The following SH3D19 variants were observed in gnomAD, a reference collection of about 807,000 sequenced individuals.
SH3D19 encodes SH3 domain-containing protein 19.
In SH3D19, 58 loss-of-function variants were observed where a neutral mutation model predicts 112.1. The observed-to-expected ratio is 0.52, with a 90% CI of 0.42 to 0.64. The LOEUF is 0.64. Among genes scored for constraint, SH3D19 ranks in the 30% least tolerant of loss-of-function variants. SH3D19 has a pLI of 0.00. For missense variants in SH3D19, 1,090 were observed against 1,263.4 expected, an observed-to-expected ratio of 0.86 and a Z score of 2.08; for synonymous variants, 391 against 448.5, an observed-to-expected ratio of 0.87 and a Z score of 1.62.
intron 2 of SH3D19, among the ~76,000 whole-genome samples, chr4:151,209,532 G>A (rs1211059348): frequency 1.3e-5 from 2 of 151,728 alleles, no homozygotes; most frequent in Non-Finnish European, 2.9e-5. Flanking sequence ...TGCCCACCTC[G>A]GCCTCCCAAA....
At chr4:151,182,690 T>C (rs909099914) in intron 3 of SH3D19, among the ~76,000 whole-genome samples, 4 of 152,242 alleles carry the variant, frequency 2.6e-5, no homozygotes, top group Non-Finnish European at 5.9e-5. Context: ...CTGAACAAGA[T>C]TAATAGCTAC....
At chr4:151,299,378 C>T (rs1168662049) in intron 1 of SH3D19, among the ~76,000 whole-genome samples, 3 of 151,896 alleles carry the variant, frequency 2.0e-5, no homozygotes, top group Non-Finnish European at 4.4e-5. Flanking sequence ...GTCAGGAGTT[C>T]GAGACCAGCC....
intron 1 of SH3D19, among the ~76,000 whole-genome samples, chr4:151,305,611 T>C (rs941414387): frequency 8.5e-5 from 13 of 152,150 alleles, no homozygotes; most frequent in African/African-American, 2.9e-4. Flanking sequence ...CAATGAAATA[T>C]CACTACACCT....
chr4:151,226,451 C>T, intron 1 of SH3D19: 1 of 995,796 alleles, frequency 1.0e-6, no homozygotes, highest in Non-Finnish European at 1.2e-6. Context: ...TCAAAAAAAT[C>T]ATTCCATGAA....
rs1337911025 is a variant in SH3D19, at chr4:151,325,506, A to T, written c.-154T>A. The stretch of plus-strand genomic sequence containing the variant: ...GTCGGCGGCGGCTGTGGAAATGGCC[A>T]CCTCCGCGAACTCCACCTGCAGCCG... On this transcript the variant is annotated 5_prime_UTR_variant, in exon 1 of 20. Transcript: ENST00000604030. The T allele has an allele frequency of 3.5e-5, 11 of 317,892 alleles. No homozygotes were observed. In the East Asian group the frequency reaches 5.8e-4, roughly 17 times the overall value. The allele number at this position is 317,892 out of a possible 1,614,324, so 19.7% of individuals were successfully genotyped here. A position where few individuals can be genotyped will look rare whatever the true frequency, so the allele number is the denominator to read the frequency against.
chr4:151,218,555 G>C (rs1767512765), intron 2 of SH3D19, among the ~76,000 whole-genome samples: 1 of 152,012 alleles, frequency 6.6e-6, no homozygotes, highest in East Asian at 1.9e-4. Context: ...TAGGACTACA[G>C]GCATGAGTCA....
chr4:151,217,370 C>A (rs1272089289), intron 2 of SH3D19, among the ~76,000 whole-genome samples: 1 of 152,076 alleles, frequency 6.6e-6, no homozygotes, highest in East Asian at 1.9e-4. Flanking sequence ...GAACCAAGAC[C>A]CTTTTAAATT....
At chr4:151,321,489 C>A (rs1326752682) in intron 1 of SH3D19, among the ~76,000 whole-genome samples, 1 of 151,980 alleles carries the variant, frequency 6.6e-6, no homozygotes, top group Non-Finnish European at 1.5e-5. Flanking sequence ...TCATAAATGC[C>A]AGGCTGTATA....
At chr4:151,236,155 A>G (rs895780081) in intron 1 of SH3D19, among the ~76,000 whole-genome samples, 5 of 152,194 alleles carry the variant, frequency 3.3e-5, no homozygotes, top group Non-Finnish European at 7.3e-5. Flanking sequence ...GCGCTGGAGG[A>G]GCCCTTCAGC....
At chr4:151,283,306 A>T in intron 1 of SH3D19, 1 of 1,606,524 alleles carries the variant, frequency 6.2e-7, no homozygotes, top group Non-Finnish European at 8.5e-7. Flanking sequence ...TGCTCTAGAG[A>T]ATTTTTTTTT....
intron 1 of SH3D19, among the ~76,000 whole-genome samples, chr4:151,250,391 T>C (rs1771270274): frequency 6.6e-6 from 1 of 152,070 alleles, no homozygotes; most frequent in South Asian, 2.1e-4. Context: ...TAGAATATTC[T>C]CATGTTTTCC....
At chr4:151,228,996 T>A (rs992990595) in intron 1 of SH3D19, among the ~76,000 whole-genome samples, 2 of 151,822 alleles carry the variant, frequency 1.3e-5, no homozygotes, top group Admixed American at 6.6e-5. Context: ...TTGAAGTAGT[T>A]AGGATTACAG....
At chr4:151,190,597 C>T (rs1283853339) in intron 2 of SH3D19, among the ~76,000 whole-genome samples, 1 of 152,174 alleles carries the variant, frequency 6.6e-6, no homozygotes, top group Non-Finnish European at 1.5e-5. Context: ...GGGTGCAAGC[C>T]CCAAGACTTG....
chr4:151,123,494 G>A (rs915481691), intron 19 of SH3D19, among the ~76,000 whole-genome samples: 8 of 151,988 alleles, frequency 5.3e-5, no homozygotes, highest in Non-Finnish European at 1.2e-4. Flanking sequence ...ACAAAGTCTC[G>A]CTCTGTGGCC....
chr4:151,276,127 G>A (rs1773599369), intron 1 of SH3D19, among the ~76,000 whole-genome samples: 2 of 152,186 alleles, frequency 1.3e-5, no homozygotes, highest in Middle Eastern at 3.2e-3. Context: ...ACAGGCATGA[G>A]CCACCGTGCC....
intron 1 of SH3D19, among the ~76,000 whole-genome samples, chr4:151,228,539 T>TGAAC (rs1554059276): frequency 6.6e-6 from 1 of 151,696 alleles, no homozygotes; most frequent in Admixed American, 6.6e-5. Flanking sequence ...ACTTACATTT[T>TGAAC]AAAGTAATTT....
At chr4:151,179,720 T>C (rs1760529968) in intron 3 of SH3D19, among the ~76,000 whole-genome samples, 1 of 152,190 alleles carries the variant, frequency 6.6e-6, no homozygotes, top group African/African-American at 2.4e-5. Context: ...AGTATTAAGA[T>C]GATGACATGA....
chr4:151,208,838 C>G (rs992350912), intron 2 of SH3D19, among the ~76,000 whole-genome samples: 1 of 151,708 alleles, frequency 6.6e-6, no homozygotes, highest in Non-Finnish European at 1.5e-5. Flanking sequence ...CCACCACGCC[C>G]GGGTAATTTT....
chr4:151,242,152 T>C (rs568746053), intron 1 of SH3D19, among the ~76,000 whole-genome samples: 1 of 151,354 alleles, frequency 6.6e-6, no homozygotes, highest in South Asian at 2.1e-4. Flanking sequence ...ACCACTGCAC[T>C]CCAGCCTGGG....
Sources: allele counts gnomAD v4.1 joint callset (sites outside exome capture counted in the v4.1 genomes callset), GRCh38; gene constraint gnomAD v4.1.1; transcripts MANE v1.5; gene names NCBI Gene and HGNC (gene_info 2026-07-23, HGNC 2026-07-21).